The following SULF1 variants were observed in gnomAD, a reference collection of about 807,000 sequenced individuals.
The protein encoded by SULF1 is sulfatase 1.
SULF1 carries 46 observed loss-of-function variants against 110.5 expected under a neutral mutation model. The ratio of observed to expected loss-of-function variants is 0.42; its 90% CI spans 0.33 to 0.53. The LOEUF is 0.53. SULF1 is among the 20% of genes least tolerant of loss of function. The pLI, the probability that SULF1 is intolerant of heterozygous loss-of-function variation, is 0.12. For synonymous variants in SULF1, 371 were observed against 387.1 expected (o/e 0.96, Z 0.49); for missense variants, 941 against 1,094.2 (o/e 0.86, Z 1.98).
chr8:69,495,290 G>C (rs1434988198), intron 1 of SULF1, among the ~76,000 whole-genome samples: 6 of 152,096 alleles, frequency 3.9e-5, no homozygotes, highest in African/African-American at 1.2e-4. Context: ...GGCTGAAGCA[G>C]GAGGATCTCA....
intron 22 of SULF1, among the ~76,000 whole-genome samples, chr8:69,656,653 C>T (rs111428104): frequency 6.6e-4 from 101 of 152,290 alleles, no homozygotes; most frequent in Non-Finnish European, 9.6e-4. Flanking sequence ...GAAATGATCT[C>T]ATTCCTTTTT....
upstream of SULF1, among the ~76,000 whole-genome samples, chr8:69,490,687 T>G (rs1809898715): frequency 6.6e-6 from 1 of 152,192 alleles, no homozygotes. Context: ...TCTTCCAGCT[T>G]TCAGTAGAAT....
At chr8:69,646,802 T>C (rs1811941622) in intron 22 of SULF1, among the ~76,000 whole-genome samples, 1 of 152,160 alleles carries the variant, frequency 6.6e-6, no homozygotes. Flanking sequence ...AAGGTGATAA[T>C]ACATACACAT....
intron 12 of SULF1, 90 bp downstream of exon 12, chr8:69,603,746 A>G: frequency 3.3e-6 from 3 of 897,820 alleles, no homozygotes; most frequent in South Asian, 2.7e-5. Flanking sequence ...ATTTTTGTTT[A>G]CTAAGCATGC....
chr8:69,503,663 C>T (rs759496726), intron 3 of SULF1, among the ~76,000 whole-genome samples: 15 of 152,132 alleles, frequency 9.9e-5, no homozygotes, highest in Non-Finnish European at 2.1e-4. Context: ...CAAAATTAAC[C>T]GTAGAAGAGA....
chr8:69,514,278 C>A (rs1156448096), intron 3 of SULF1, among the ~76,000 whole-genome samples: 1 of 152,152 alleles, frequency 6.6e-6, no homozygotes, highest in African/African-American at 2.4e-5. Context: ...GCTCAGGAAA[C>A]TTACAATCAT....
At chr8:69,481,578 T>A (rs971832807) in intron 1 of SULF1, among the ~76,000 whole-genome samples, 1 of 152,094 alleles carries the variant, frequency 6.6e-6, no homozygotes, top group Non-Finnish European at 1.5e-5. Context: ...AAGCCAAGCT[T>A]CCATTAGCTA....
At chr8:69,606,959 C>A (rs1220148969) in intron 13 of SULF1, among the ~76,000 whole-genome samples, 1 of 152,134 alleles carries the variant, frequency 6.6e-6, no homozygotes, top group Non-Finnish European at 1.5e-5. Flanking sequence ...TATAGAATTT[C>A]TTTATATTGG....
chr8:69,559,789 A>G (rs1227302505), intron 3 of SULF1, among the ~76,000 whole-genome samples: 6 of 152,172 alleles, frequency 3.9e-5, no homozygotes, highest in Non-Finnish European at 8.8e-5. Context: ...TTATCTCAGA[A>G]AACACAACAG....
chr8:69,504,629 A>T lies in SULF1; in HGVS notation c.-134+2661A>T, dbSNP rs961910202. On this transcript the variant is annotated intron_variant, in intron 3 of 22. Transcript: ENST00000402687. ...TCACTTGCTCAAATTTAACATACAG[A>T]ACATTTTTCTTGAAAATCTATGGAT... Among the ~76,000 whole-genome samples, 7 of 152,190 alleles carry T rather than the reference A, an allele frequency of 4.6e-5. 1 individual carries two copies. Among genetic ancestry groups the T allele is most frequent in the Admixed American group, 3.9e-4 (6 of 15,272 alleles).
intron 22 of SULF1, among the ~76,000 whole-genome samples, chr8:69,641,741 C>T (rs114460918): frequency 6.6e-6 from 1 of 151,832 alleles, no homozygotes; most frequent in Non-Finnish European, 1.5e-5. Flanking sequence ...GAGACCCTGT[C>T]TCTAAAAATA....
intron 8 of SULF1, among the ~76,000 whole-genome samples, chr8:69,594,242 G>T (rs1033188195): frequency 1.3e-5 from 2 of 152,100 alleles, no homozygotes; most frequent in Non-Finnish European, 2.9e-5. Context: ...GTGGAAACGG[G>T]TTTTCTCCAT....
At chr8:69,494,959 T>C (rs1330708051) in intron 1 of SULF1, among the ~76,000 whole-genome samples, 3 of 149,786 alleles carry the variant, frequency 2.0e-5, no homozygotes, top group Non-Finnish European at 3.0e-5. Flanking sequence ...GCAGTGTAGG[T>C]GGACAATAGG....
At chr8:69,611,470 C>T (rs17664415) in intron 13 of SULF1, among the ~76,000 whole-genome samples, 8,045 of 152,172 alleles carry the variant, frequency 0.053, 269 homozygotes, top group South Asian at 0.16. Flanking sequence ...AGAAAACAGG[C>T]CAGGAGATAA....
At chr8:69,528,404 G>A (rs552793185) in intron 3 of SULF1, among the ~76,000 whole-genome samples, 12 of 152,148 alleles carry the variant, frequency 7.9e-5, no homozygotes, top group Non-Finnish European at 1.2e-4. Flanking sequence ...GTAGACAGAC[G>A]TGGATTCCAA....
At chr8:69,651,171 C>T (rs1294220842) in intron 22 of SULF1, among the ~76,000 whole-genome samples, 2 of 151,392 alleles carry the variant, frequency 1.3e-5, no homozygotes, top group African/African-American at 4.9e-5. Flanking sequence ...CTTCTTCCTC[C>T]CCTCCCGAGT....
chr8:69,526,835 A>AAGGAAGGAAGGG (rs1563498438), intron 3 of SULF1, among the ~76,000 whole-genome samples: 1 of 134,770 alleles, frequency 7.4e-6, no homozygotes, highest in South Asian at 2.3e-4. Context: ...GGAAGGAAGG[A>AAGGAAGGAAGGG]AGGAAGGGAG....
intron 5 of SULF1, among the ~76,000 whole-genome samples, chr8:69,567,314 AT>A (rs1815957533): frequency 6.6e-6 from 1 of 152,110 alleles, no homozygotes; most frequent in Non-Finnish European, 1.5e-5. Context: ...CTTCTAGAAC[AT>A]TATTGCTCTA....
intron 13 of SULF1, among the ~76,000 whole-genome samples, chr8:69,616,230 A>T (rs7842090): frequency 0.63 from 88,467 of 139,808 alleles, 27,809 homozygotes; most frequent in Admixed American, 0.68. Flanking sequence ...ATATATATAT[A>T]TTTTTTTGAG....
Sources: allele counts gnomAD v4.1 joint callset (sites outside exome capture counted in the v4.1 genomes callset), GRCh38; gene constraint gnomAD v4.1.1; transcripts MANE v1.5; gene names NCBI Gene and HGNC (gene_info 2026-07-23, HGNC 2026-07-21).